ATF7IP2: variants seen among roughly 807,000 people sequenced by gnomAD.
The protein encoded by ATF7IP2 is activating transcription factor 7-interacting protein 2.
In ATF7IP2, 42 loss-of-function variants were observed where a neutral mutation model predicts 64.2. The ratio of observed to expected loss-of-function variants is 0.65; its 90% confidence interval spans 0.51 to 0.85. The LOEUF (loss-of-function observed/expected upper bound fraction) is 0.85, where lower values mean the gene tolerates loss of function less well. Among genes scored for constraint, ATF7IP2 ranks in the 40% least tolerant of loss-of-function variants. The pLI is 0.00. For missense variants in ATF7IP2, 933 were observed against 784.2 expected (o/e 1.19, Z -2.27); for synonymous variants, 308 against 272.8 (o/e 1.13, Z -1.27).
intron 6 of ATF7IP2, among the ~76,000 whole-genome samples, chr16:10,434,796 TTTTG>T (rs111612267): frequency 1.3e-3 from 191 of 152,088 alleles, no homozygotes; most frequent in Admixed American, 6.2e-3. Context: ...AGAAGTAAGT[TTTTG>T]TTTGTTTGTT....
At chr16:10,473,147 T>C (rs548072218) in intron 10 of ATF7IP2, among the ~76,000 whole-genome samples, 1 of 152,348 alleles carries the variant, frequency 6.6e-6, no homozygotes, top group Non-Finnish European at 1.5e-5. Context: ...TTCTCAGCCA[T>C]GTCAGGCAGT....
intron 9 of ATF7IP2, among the ~76,000 whole-genome samples, chr16:10,463,827 G>T (rs1048431621): frequency 1.3e-5 from 2 of 152,202 alleles, no homozygotes; most frequent in Admixed American, 6.5e-5. Context: ...AACTGAGGCT[G>T]ATCTACAGAT....
chr16:10,418,084 A>G (rs1336517588), intron 2 of ATF7IP2, among the ~76,000 whole-genome samples: 1 of 152,234 alleles, frequency 6.6e-6, no homozygotes, highest in Non-Finnish European at 1.5e-5. Flanking sequence ...TTTTACCCAC[A>G]TATTCATTGA....
At chr16:10,464,733 A>G (rs1164366618) in intron 9 of ATF7IP2, among the ~76,000 whole-genome samples, 1 of 152,198 alleles carries the variant, frequency 6.6e-6, no homozygotes, top group Non-Finnish European at 1.5e-5. Flanking sequence ...AGAGATGGAA[A>G]GGGGGACAGG....
chr16:10,390,243 G>A (rs776890109), intron 1 of ATF7IP2, among the ~76,000 whole-genome samples: 46 of 152,168 alleles, frequency 3.0e-4, no homozygotes, highest in Non-Finnish European at 6.5e-4. Flanking sequence ...AAATCAGCAT[G>A]CACCCATAAC....
chr16:10,454,022 T>C (rs2049082025), intron 8 of ATF7IP2: 2 of 150,954 alleles, frequency 1.3e-5, no homozygotes, highest in Admixed American at 6.6e-5. Context: ...TTTTTTTTTT[T>C]CCATCTTTTA....
chr16:10,472,833 G>C (rs1411595014), intron 10 of ATF7IP2, among the ~76,000 whole-genome samples: 3 of 138,240 alleles, frequency 2.2e-5, no homozygotes, highest in Admixed American at 7.4e-5. Context: ...TCCAGCCTGG[G>C]CAAAACAGCA....
At chr16:10,418,173 G>C (rs1028492663) in intron 2 of ATF7IP2, among the ~76,000 whole-genome samples, 1 of 152,220 alleles carries the variant, frequency 6.6e-6, no homozygotes, top group Non-Finnish European at 1.5e-5. Flanking sequence ...GCTCTGGCTA[G>C]TTATCTGCAG....
At chr16:10,470,690 G>T (rs2049761827) in intron 9 of ATF7IP2, among the ~76,000 whole-genome samples, 1 of 151,734 alleles carries the variant, frequency 6.6e-6, no homozygotes, top group African/African-American at 2.4e-5. Flanking sequence ...AGGCCGAGAT[G>T]AGAGGATCTT....
intron 1 of ATF7IP2, among the ~76,000 whole-genome samples, chr16:10,406,588 A>T (rs1239151729): frequency 6.6e-6 from 1 of 152,218 alleles, no homozygotes. Flanking sequence ...TATGAAAAAG[A>T]ACACCTCAGA....
At chr16:10,428,644 G>C (rs2048144188) in intron 3 of ATF7IP2, among the ~76,000 whole-genome samples, 1 of 152,076 alleles carries the variant, frequency 6.6e-6, no homozygotes, top group Non-Finnish European at 1.5e-5. Flanking sequence ...TGTGGTCTCT[G>C]GTGCCTGGCA....
intron 2 of ATF7IP2, among the ~76,000 whole-genome samples, chr16:10,417,560 C>T (rs2047904026): frequency 6.6e-6 from 1 of 152,112 alleles, no homozygotes; most frequent in Non-Finnish European, 1.5e-5. Context: ...GCACTGAACA[C>T]TGGGCCACCC....
intron 9 of ATF7IP2, among the ~76,000 whole-genome samples, chr16:10,468,285 T>A (rs1323469403): frequency 6.6e-6 from 1 of 152,186 alleles, no homozygotes; most frequent in Non-Finnish European, 1.5e-5. Flanking sequence ...ATTTAAAAAA[T>A]TGTTGAATTT....
intron 8 of ATF7IP2, among the ~76,000 whole-genome samples, chr16:10,443,546 C>G (rs182320438): frequency 1.3e-3 from 196 of 152,320 alleles, no homozygotes; most frequent in African/African-American, 4.5e-3. Context: ...TCAATTCATT[C>G]CATGCAGGCA....
chr16:10,412,590 C>T (rs905291249), intron 1 of ATF7IP2, among the ~76,000 whole-genome samples: 2 of 152,020 alleles, frequency 1.3e-5, no homozygotes, highest in Admixed American at 1.3e-4. Flanking sequence ...TGTTTTGTAG[C>T]CTATGATATG....
At chr16:10,409,396 T>C (rs184627903) in intron 1 of ATF7IP2, among the ~76,000 whole-genome samples, 40 of 152,304 alleles carry the variant, frequency 2.6e-4, no homozygotes, top group African/African-American at 9.6e-4. Context: ...GCTAAACCTT[T>C]GAAGAGGAAT....
chr16:10,435,606 C>A (rs1276427966), intron 6 of ATF7IP2, among the ~76,000 whole-genome samples: 1 of 152,214 alleles, frequency 6.6e-6, no homozygotes, highest in Non-Finnish European at 1.5e-5. Context: ...GGAGTTGCCC[C>A]ATGGTGGGTA....
intron 6 of ATF7IP2, among the ~76,000 whole-genome samples, chr16:10,436,764 G>C (rs1168596190): frequency 6.6e-6 from 1 of 152,068 alleles, no homozygotes; most frequent in Non-Finnish European, 1.5e-5. Flanking sequence ...TTACACTGTG[G>C]TGAAAATTGC....
chr16:10,480,825 TG>T, intron 12 of ATF7IP2, 53 bp from the exon 13 acceptor site: 1 of 1,174,998 alleles, frequency 8.5e-7, no homozygotes, highest in Non-Finnish European at 1.3e-6. Context: ...TTAAAGGCTA[TG>T]GAATTGATTA....
Sources: gnomAD v4.1 joint callset for allele counts (sites outside exome capture counted in the v4.1 genomes callset) on GRCh38, gnomAD v4.1.1 for gene constraint, MANE v1.5 for transcripts, NCBI Gene and HGNC (gene_info 2026-07-23, HGNC 2026-07-21) for gene names.